PMFBP1: variants seen among roughly 807,000 people sequenced by gnomAD.
PMFBP1 encodes polyamine modulated factor 1 binding protein 1.
A neutral mutation model predicts 137.8 loss-of-function variants in PMFBP1; 131 were observed. The observed-to-expected ratio is 0.95, with a 90% CI of 0.82 to 1.10. PMFBP1 has a LOEUF of 1.10. Ranked by LOEUF, PMFBP1 falls within the 50% of genes least tolerant of loss-of-function variation. PMFBP1 has a pLI of 0.00. For missense variants in PMFBP1, 1,199 were observed against 1,175.4 expected (o/e 1.02, Z -0.29); for synonymous variants, 490 against 450.4 (o/e 1.09, Z -1.11).
chr16:72,200,714 T>C, the PMFBP1 span, among the ~76,000 whole-genome samples: 1 of 152,256 alleles, frequency 6.6e-6, no homozygotes, highest in African/African-American at 2.4e-5. Flanking sequence ...ATTACAATTC[T>C]TACAGCTTTT....
At chr16:72,135,375 TTTTG>T (rs2042610841) in intron 9 of PMFBP1, among the ~76,000 whole-genome samples, 1 of 134,450 alleles carries the variant, frequency 7.4e-6, no homozygotes, top group East Asian at 2.0e-4. Context: ...TTTTTTTTTT[TTTTG>T]TTGTTGTTGT....
At chr16:72,187,447 AC>A in the PMFBP1 span, among the ~76,000 whole-genome samples, 3 of 152,210 alleles carry the variant, frequency 2.0e-5, no homozygotes, top group Non-Finnish European at 4.4e-5. Flanking sequence ...TCCACCCTGT[AC>A]CCTGTAGGGT....
intron 2 of PMFBP1, among the ~76,000 whole-genome samples, chr16:72,170,707 C>T (rs1203420280): frequency 6.6e-6 from 1 of 152,176 alleles, no homozygotes; most frequent in Non-Finnish European, 1.5e-5. Context: ...GCTGGGATTA[C>T]AGGTTTGAGT....
In PMFBP1 at chr16:72,139,304, A is replaced by G; in HGVS notation, c.903T>C (p.Cys301=). 1 of 1,613,626 alleles carries G rather than the reference A, an allele frequency of 6.2e-7. No homozygotes were observed. Residue 301 remains cysteine, a synonymous_variant, in exon 7 of 21, where the codon TGT becomes TGC. Coordinates refer to ENST00000237353, the MANE Select transcript of PMFBP1 (RefSeq NM_031293.3). ...TTTCTCCCACCTTTTTGATGTCTTCACACTCTTCTGAGGAGCTAGGAGGGT... is the reference window on the plus strand; with the variant it reads ...TTTCTCCCACCTTTTTGATGTCTTCGCACTCTTCTGAGGAGCTAGGAGGGT... ...HRYPPSSSEE[C]EDIKKILKHL... is the part of the protein sequence containing the mutation.
chr16:72,143,388 A>G lies in PMFBP1; in HGVS notation c.637-2806T>C, dbSNP rs1286282004. On this transcript the variant is annotated intron_variant, in intron 5 of 20. Coordinates refer to ENST00000237353, the MANE Select transcript of PMFBP1 (RefSeq NM_031293.3). The stretch of plus-strand genomic sequence containing the variant: ...GAAAATCCAAGACAGTCAAGTGAAA[A>G]TCTGGTAAGAGAGCTCAGTAAGGTG... Among the ~76,000 whole-genome samples the G allele has an allele frequency of 2.6e-5, 4 of 152,346 alleles. No individual in the cohort carries two copies. In the East Asian group the frequency reaches 7.7e-4, roughly 29 times the overall value.
intron 2 of PMFBP1, among the ~76,000 whole-genome samples, chr16:72,170,476 C>G (rs1258321258): frequency 6.6e-6 from 1 of 152,160 alleles, no homozygotes; most frequent in African/African-American, 2.4e-5. Context: ...GTCGCCCCGG[C>G]TGGAATGCAC....
Position 72,150,670 on chromosome 16 carries a change from T to A in PMFBP1, c.574A>T (p.Ile192Phe). ...RDKYQSSLSNIELLECQVKML... is the reference protein window; with the variant it reads ...RDKYQSSLSNFELLECQVKML... The stretch of plus-strand genomic sequence containing the variant: ...TTCACTTGGCATTCTAGTAACTCGA[T>A]GTTGCTCAGGGAAGACTGGTATTTA... Residue 192 changes from isoleucine to phenylalanine, a missense_variant, in exon 5 of 21, where the codon ATC (isoleucine) becomes TTC (phenylalanine). Transcript: ENST00000237353. The A allele has an allele frequency of 3.1e-6, 5 of 1,614,140 alleles. No individual in the cohort carries two copies. The highest frequency in any genetic ancestry group is 4.2e-6 in the Non-Finnish European group (5 of 1,180,018).
chr16:72,198,419 G>A, the PMFBP1 span, among the ~76,000 whole-genome samples: 1 of 152,148 alleles, frequency 6.6e-6, no homozygotes, highest in Non-Finnish European at 1.5e-5. Context: ...ATATTCAGAA[G>A]GGCTACTCAC....
the PMFBP1 span, among the ~76,000 whole-genome samples, chr16:72,237,937 G>A: frequency 6.6e-6 from 1 of 152,142 alleles, no homozygotes; most frequent in Admixed American, 6.5e-5. Flanking sequence ...TAAGGATAAT[G>A]GCCTCTAGCT....
At chr16:72,223,355 T>A in the PMFBP1 span, among the ~76,000 whole-genome samples, 3 of 152,332 alleles carry the variant, frequency 2.0e-5, no homozygotes, top group East Asian at 5.8e-4. Context: ...AATCTTGTTT[T>A]TAAAAGACTG....
upstream of PMFBP1, among the ~76,000 whole-genome samples, chr16:72,178,749 G>C (rs575746319): frequency 2.0e-5 from 3 of 152,268 alleles, no homozygotes; most frequent in African/African-American, 7.2e-5. Context: ...AGATGCTCCA[G>C]GTTCATCTTA....
intron 7 of PMFBP1, among the ~76,000 whole-genome samples, chr16:72,137,347 T>C (rs2042647247): frequency 6.6e-6 from 1 of 151,782 alleles, no homozygotes; most frequent in African/African-American, 2.4e-5. Context: ...GCTGACCTAG[T>C]GGGGTGAGAT....
chr16:72,174,845 A>G (rs1349275136), upstream of PMFBP1, among the ~76,000 whole-genome samples: 1 of 152,172 alleles, frequency 6.6e-6, no homozygotes, highest in Non-Finnish European at 1.5e-5. Context: ...CCCTATCACA[A>G]CACATGGGGA....
At chr16:72,171,654 G>T (rs1325019849) in intron 1 of PMFBP1, 2 of 159,768 alleles carry the variant, frequency 1.3e-5, no homozygotes, top group African/African-American at 4.8e-5. Flanking sequence ...ATTCTCACAT[G>T]AACCCTGGGA....
the PMFBP1 span, among the ~76,000 whole-genome samples, chr16:72,206,748 G>A: frequency 7.8e-3 from 1,192 of 152,260 alleles, 26 homozygotes; most frequent in African/African-American, 0.027. Flanking sequence ...TGAACTCAAC[G>A]TGCCAACGAT....
At chr16:72,232,261 A>C in the PMFBP1 span, among the ~76,000 whole-genome samples, 6 of 152,170 alleles carry the variant, frequency 3.9e-5, no homozygotes, top group Non-Finnish European at 4.4e-5. Flanking sequence ...TAGAAACTCT[A>C]GTGATGGGGC....
At chr16:72,188,739 C>T in the PMFBP1 span, among the ~76,000 whole-genome samples, 2 of 152,188 alleles carry the variant, frequency 1.3e-5, no homozygotes, top group Middle Eastern at 3.4e-3. Flanking sequence ...GAATGGAAAG[C>T]GCTGGTGCCT....
the PMFBP1 span, among the ~76,000 whole-genome samples, chr16:72,190,198 G>T: frequency 2.0e-5 from 3 of 152,136 alleles, no homozygotes; most frequent in African/African-American, 4.8e-5. Context: ...CTAATCTCCT[G>T]ACCTTTGTTA....
intron 5 of PMFBP1, among the ~76,000 whole-genome samples, chr16:72,143,613 C>T (rs934561485): frequency 3.9e-5 from 6 of 151,974 alleles, no homozygotes; most frequent in African/African-American, 1.2e-4. Context: ...TGTGGTGGCA[C>T]GTGCCTGTAG....
Sources: gnomAD v4.1 joint callset for allele counts (sites outside exome capture counted in the v4.1 genomes callset) on GRCh38, gnomAD v4.1.1 for gene constraint, MANE v1.5 for transcripts, NCBI Gene and HGNC (gene_info 2026-07-23, HGNC 2026-07-21) for gene names.